ZBBX: variants seen among roughly 807,000 people sequenced by gnomAD.
ZBBX encodes zinc finger B-box domain-containing protein 1.
In ZBBX, 101 loss-of-function variants were observed where a neutral mutation model predicts 108.5. The ratio of observed to expected loss-of-function variants is 0.93; its 90% CI spans 0.79 to 1.10. The LOEUF (loss-of-function observed/expected upper bound fraction) is 1.10, where lower values mean the gene tolerates loss of function less well. ZBBX is among the 50% of genes least tolerant of loss of function. The probability of loss-of-function intolerance (pLI) is 0.00; values close to 1 mark genes in which losing one functional copy is unlikely to be tolerated. For missense variants in ZBBX, 1,009 were observed against 941.4 expected, an observed-to-expected ratio of 1.07 and a Z score of -0.94; for synonymous variants, 356 against 323.4, an observed-to-expected ratio of 1.10 and a Z score of -1.08.
At chr3:167,352,988 C>T (rs1399332584) in intron 8 of ZBBX, among the ~76,000 whole-genome samples, 2 of 152,080 alleles carry the variant, frequency 1.3e-5, no homozygotes, top group African/African-American at 4.8e-5. Flanking sequence ...TAATAAAAGT[C>T]ATAAGACAAC....
At chr3:167,388,860 T>G (rs925599037) in intron 1 of ZBBX, among the ~76,000 whole-genome samples, 2 of 152,126 alleles carry the variant, frequency 1.3e-5, no homozygotes, top group African/African-American at 4.8e-5. Context: ...ATTTAATAAT[T>G]AATATGTGAA....
upstream of ZBBX, among the ~76,000 whole-genome samples, chr3:167,384,576 G>T (rs909151236): frequency 6.6e-6 from 1 of 151,912 alleles, no homozygotes; most frequent in Non-Finnish European, 1.5e-5. Context: ...ATATATATTA[G>T]GTTACCATCA....
In ZBBX at chr3:167,288,902, T is replaced by C. The variant is rs1206535734; in HGVS notation, c.1961A>G (p.Gln654Arg). Reference protein sequence around the residue: ...AIVLGVLQGAQSPSSSRKQQK... With the variant: ...AIVLGVLQGARSPSSSRKQQK... ...CTGTTTTCTACTTGATGATGGACTC[T>C]GAGCACCCTGCAGAACACCCAAGAC... The change falls in exon 19 of 22, where the codon CAG becomes CGG. Residue 654 changes from glutamine to arginine, a missense_variant. By Grantham distance (43) the Gln-to-Arg change is conservative. Coordinates refer to ENST00000675490, the MANE Select transcript of ZBBX (RefSeq NM_001199201.2). The C allele has an allele frequency of 1.3e-6, 2 of 1,540,984 alleles. No individual in the cohort carries two copies. The highest frequency in any genetic ancestry group is 1.8e-6 in the Non-Finnish European group (2 of 1,140,444).
chr3:167,393,777 C>T (rs1053529969), intron 1 of ZBBX, among the ~76,000 whole-genome samples: 7 of 151,844 alleles, frequency 4.6e-5, no homozygotes, highest in Non-Finnish European at 1.5e-5. Context: ...TTTTATTGAA[C>T]TATTAGATTA....
At chr3:167,342,262 G>C (rs1234615783) in intron 9 of ZBBX, among the ~76,000 whole-genome samples, 2 of 151,660 alleles carry the variant, frequency 1.3e-5, no homozygotes, top group African/African-American at 2.4e-5. Context: ...AGATAACATA[G>C]GTAGCACCTG....
In ZBBX at chr3:167,398,233, C is replaced by T. The variant is rs184010950; in HGVS notation, c.-446+9493G>A. On this transcript the variant is annotated intron_variant, in intron 1 of 21. Coordinates refer to the ZBBX transcript ENST00000455345. ...TCAGAAATGTGTAGCTGTGTCAGAA[C>T]GTCTTACCCATTTTTAAGAATATTT... is the stretch of plus-strand genomic sequence containing the variant. 1.7e-3 allele frequency among the ~76,000 whole-genome samples: 255 copies of T among 152,106 alleles called. 5 individuals carry two copies. Among genetic ancestry groups the T allele is most frequent in the Non-Finnish European group, 2.3e-3 (155 of 67,942 alleles).
chr3:167,224,661 TGA>T, the ZBBX span, among the ~76,000 whole-genome samples: 2 of 151,946 alleles, frequency 1.3e-5, no homozygotes, highest in African/African-American at 4.8e-5. Flanking sequence ...ATTAAAATGG[TGA>T]GAGTGGGTAG....
In ZBBX at chr3:167,242,564, A is replaced by AATCTGACTT; in HGVS notation, c.2325_2333dup (p.Gln777_Ser779dup). 1 of 1,613,692 alleles carries AATCTGACTT rather than the reference A, an allele frequency of 6.2e-7. No homozygotes were observed. On this transcript the variant is annotated inframe_insertion, in exon 21 of 22. Coordinates refer to ENST00000675490, the MANE Select transcript of ZBBX (RefSeq NM_001199201.2). ...GTGAGGTCTTAAGGAAATCTGTGGA[A>AATCTGACTT]ATCTGACTTATATTCAGTGATTGGC...
intron 20 of ZBBX, among the ~76,000 whole-genome samples, chr3:167,244,797 C>A (rs915616486): frequency 3.9e-5 from 6 of 152,098 alleles, no homozygotes; most frequent in Non-Finnish European, 8.8e-5. Context: ...TATAGTTAAA[C>A]CTTTTCTATC....
At chr3:167,377,528 A>G (rs1015114924) in intron 2 of ZBBX, among the ~76,000 whole-genome samples, 1 of 152,206 alleles carries the variant, frequency 6.6e-6, no homozygotes, top group Non-Finnish European at 1.5e-5. Flanking sequence ...GGGTGAATTA[A>G]CATGTTTAGG....
At chr3:167,234,375 T>C in the ZBBX span, among the ~76,000 whole-genome samples, 2 of 151,868 alleles carry the variant, frequency 1.3e-5, no homozygotes, top group Admixed American at 6.6e-5. Flanking sequence ...CAAAAGCAGA[T>C]TGGATTTGGG....
intron 19 of ZBBX, among the ~76,000 whole-genome samples, chr3:167,284,516 A>G (rs904563500): frequency 1.3e-5 from 2 of 152,218 alleles, no homozygotes; most frequent in Admixed American, 1.3e-4. Context: ...CGAAAATACT[A>G]TGAGTAAGGA....
At chr3:167,195,288 T>TA in the ZBBX span, among the ~76,000 whole-genome samples, 1 of 152,226 alleles carries the variant, frequency 6.6e-6, no homozygotes, top group South Asian at 2.1e-4. Flanking sequence ...TTCTCAGAGT[T>TA]AATTTATCAC....
chr3:167,255,042 C>T (rs1327815257), intron 20 of ZBBX, among the ~76,000 whole-genome samples: 3 of 151,950 alleles, frequency 2.0e-5, no homozygotes, highest in East Asian at 1.9e-4. Context: ...ATATTATCCT[C>T]GGCCAATTTG....
At chr3:167,233,342 C>T in the ZBBX span, among the ~76,000 whole-genome samples, 1 of 151,696 alleles carries the variant, frequency 6.6e-6, no homozygotes, top group Non-Finnish European at 1.5e-5. Flanking sequence ...AAAAAACAAA[C>T]TCAAGGGACT....
At chr3:167,344,557 T>A (rs1243021661) in intron 9 of ZBBX, among the ~76,000 whole-genome samples, 1 of 151,718 alleles carries the variant, frequency 6.6e-6, no homozygotes, top group African/African-American at 2.4e-5. Flanking sequence ...TGCTATCAAA[T>A]CCTCTTGGCA....
intron 1 of ZBBX, among the ~76,000 whole-genome samples, chr3:167,386,001 C>A (rs559694561): frequency 1.3e-5 from 2 of 152,028 alleles, no homozygotes; most frequent in South Asian, 2.1e-4. Context: ...TGTGACCCAA[C>A]CTACCCTTGT....
intron 1 of ZBBX, among the ~76,000 whole-genome samples, chr3:167,387,546 T>A (rs1349518301): frequency 1.3e-5 from 2 of 151,926 alleles, no homozygotes; most frequent in African/African-American, 4.8e-5. Flanking sequence ...AGAAAGCATA[T>A]ACAAATTTCC....
In ZBBX at chr3:167,399,320, A is replaced by G. The variant is rs1415499781; in HGVS notation, c.-446+8406T>C. ...TAAACTTGCTAAAGTTTTCAGAACT[A>G]CTAAGTACAAGCCCAGTCCATTTAA... On this transcript the variant is annotated intron_variant, in intron 1 of 21. Coordinates refer to the ZBBX transcript ENST00000455345. 2.6e-5 allele frequency among the ~76,000 whole-genome samples: 4 copies of G among 152,254 alleles called. No homozygotes were observed. In the East Asian group the frequency reaches 5.8e-4, roughly 22 times the overall value.
Sources: gnomAD v4.1 joint callset for allele counts (sites outside exome capture counted in the v4.1 genomes callset) on GRCh38, gnomAD v4.1.1 for gene constraint, MANE v1.5 for transcripts, NCBI Gene and HGNC (gene_info 2026-07-23, HGNC 2026-07-21) for gene names.